Variants in KATNA1 observed in about 807,000 individuals in gnomAD.
KATNA1 encodes the protein katanin catalytic subunit A1.
KATNA1 carries 42 observed loss-of-function variants against 62.6 expected under a neutral mutation model. The ratio of observed to expected loss-of-function variants is 0.67; its 90% CI spans 0.52 to 0.87. The LOEUF (loss-of-function observed/expected upper bound fraction) is 0.87. KATNA1 is among the 40% of genes least tolerant of loss of function. The pLI is 0.00. For synonymous variants in KATNA1, 186 were observed against 201.9 expected, an observed-to-expected ratio of 0.92 and a Z score of 0.67; for missense variants, 498 against 612.5, an observed-to-expected ratio of 0.81 and a Z score of 1.97.
In KATNA1 at chr6:149,638,368, A is replaced by C; in HGVS notation, c.162+18T>G. 1 of 1,606,938 alleles carries C rather than the reference A, an allele frequency of 6.2e-7. No homozygotes were observed. The highest frequency in any genetic ancestry group is 8.5e-7 in the Non-Finnish European group (1 of 1,176,776). ...GAGTACTTAAGCCATTAAAACATAC[A>C]GCAGCCATTACTCTCACCTGTTGCC... On this transcript the variant is annotated intron_variant, in intron 2 of 10. Coordinates refer to ENST00000367411, the MANE Select transcript of KATNA1 (RefSeq NM_007044.4).
chr6:149,638,661 A>G, intron 1 of KATNA1, 101 bp from the exon 2 acceptor site: 4 of 702,008 alleles, frequency 5.7e-6, no homozygotes, highest in Non-Finnish European at 9.5e-6. Context: ...TCAAGAAACA[A>G]TCACACATAC....
At chr6:149,645,867 C>T (rs772919576) in intron 1 of KATNA1, among the ~76,000 whole-genome samples, 4 of 151,552 alleles carry the variant, frequency 2.6e-5, no homozygotes, top group Non-Finnish European at 4.4e-5. Context: ...TGTCTCTCCA[C>T]AGAGAAAGTT....
At chr6:149,644,192 G>A (rs559588777) in intron 1 of KATNA1, among the ~76,000 whole-genome samples, 36 of 151,994 alleles carry the variant, frequency 2.4e-4, no homozygotes, top group Non-Finnish European at 4.6e-4. Flanking sequence ...ATTGGGACCC[G>A]CTGCTAAAAG....
chr6:149,633,754 A>T lies in KATNA1; in HGVS notation c.163-838T>A, dbSNP rs993750861. ...TCTCAAAAAAATAAAAAATAAAAAA[A>T]AAATCCAGGCTAACTAAATCATACT... On this transcript the variant is annotated intron_variant, in intron 2 of 10. Transcript: ENST00000367411. Among the ~76,000 whole-genome samples, 17 of 151,938 alleles carry T rather than the reference A, an allele frequency of 1.1e-4. No individual in the cohort carries two copies. In the East Asian group the frequency reaches 1.4e-3, roughly 12 times the overall value.
At chr6:149,600,131 C>G (rs2115079347) in intron 7 of KATNA1, among the ~76,000 whole-genome samples, 1 of 138,142 alleles carries the variant, frequency 7.2e-6, no homozygotes, top group East Asian at 2.3e-4. Context: ...ATGCAGTATG[C>G]TATGATTGTG....
intron 4 of KATNA1, among the ~76,000 whole-genome samples, chr6:149,619,469 T>C (rs898393668): frequency 5.3e-5 from 8 of 151,948 alleles, no homozygotes; most frequent in Non-Finnish European, 8.8e-5. Flanking sequence ...AAAAATTAGC[T>C]AGGCGTGGTA....
chr6:149,645,456 C>CAAAAAAAAAAAAAA (rs201041700), intron 1 of KATNA1, among the ~76,000 whole-genome samples: 10 of 123,754 alleles, frequency 8.1e-5, no homozygotes, highest in Non-Finnish European at 1.1e-4. Context: ...AAACAAAAAA[C>CAAAAAAAAAAAAAA]AAAAAAAAAA....
At position 149,619,543 on chromosome 6, in the gene KATNA1, GC is replaced by G. The variant is rs1251122531; in HGVS notation, c.501+3559del. On this transcript the variant is annotated intron_variant, in intron 4 of 10. Coordinates refer to ENST00000367411, the MANE Select transcript of KATNA1 (RefSeq NM_007044.4). ...CATGAGAACTGCTTGAACCTGAGAG[GC>G]GGAGGTTGTAGTTAGCCAAGATGAT... Among the ~76,000 whole-genome samples, 48 of 152,122 alleles carry G rather than the reference GC, an allele frequency of 3.2e-4. 1 individual carries two copies. Among genetic ancestry groups the G allele is most frequent in the Middle Eastern group, 3.4e-3 (1 of 294 alleles).
chr6:149,647,478 G>T (rs1582820306), intron 1 of KATNA1, among the ~76,000 whole-genome samples: 1 of 130,006 alleles, frequency 7.7e-6, no homozygotes, highest in East Asian at 2.4e-4. Context: ...AGCCAAGATT[G>T]CGCCACTGCA....
intron 10 of KATNA1, 65 bp from the exon 11 acceptor site, chr6:149,595,299 T>TAATA: frequency 7.5e-7 from 1 of 1,339,866 alleles, no homozygotes; most frequent in Middle Eastern, 1.8e-4. Context: ...GAAAACCTGT[T>TAATA]AATAGAAAAA....
At chr6:149,645,335 T>C (rs1780442648) in intron 1 of KATNA1, among the ~76,000 whole-genome samples, 1 of 151,274 alleles carries the variant, frequency 6.6e-6, no homozygotes, top group African/African-American at 2.4e-5. Context: ...CCCAGCTACT[T>C]GGGAGGCTGA....
chr6:149,636,258 T>C (rs964252542), intron 2 of KATNA1, among the ~76,000 whole-genome samples: 1 of 152,016 alleles, frequency 6.6e-6, no homozygotes, highest in Non-Finnish European at 1.5e-5. Flanking sequence ...ACTGACAAAC[T>C]TAAGACTCCT....
At chr6:149,645,662 A>G (rs1180687136) in intron 1 of KATNA1, among the ~76,000 whole-genome samples, 1 of 152,170 alleles carries the variant, frequency 6.6e-6, no homozygotes, top group East Asian at 1.9e-4. Context: ...TTTCCTTTAC[A>G]TTATTCTAAC....
At chr6:149,609,952 A>G (rs537074173) in intron 4 of KATNA1, among the ~76,000 whole-genome samples, 18 of 151,222 alleles carry the variant, frequency 1.2e-4, no homozygotes, top group African/African-American at 3.9e-4. Context: ...ATACAAAATT[A>G]GCTGGGTGTG....
intron 3 of KATNA1, among the ~76,000 whole-genome samples, chr6:149,628,004 G>T (rs556640503): frequency 6.6e-6 from 1 of 152,040 alleles, no homozygotes; most frequent in South Asian, 2.1e-4. Context: ...GAAGATATTT[G>T]AGGGACATCA....
chr6:149,611,735 T>C (rs999223966), intron 4 of KATNA1, among the ~76,000 whole-genome samples: 3 of 151,938 alleles, frequency 2.0e-5, no homozygotes, highest in African/African-American at 7.3e-5. Flanking sequence ...CATGGTGGCT[T>C]ATGCCTGTAA....
intron 4 of KATNA1, among the ~76,000 whole-genome samples, chr6:149,619,717 G>A (rs1450229617): frequency 1.3e-5 from 2 of 152,152 alleles, no homozygotes; most frequent in African/African-American, 2.4e-5. Context: ...ACTATGAACA[G>A]TATGGAGGTT....
At chr6:149,638,600 ATG>A in intron 1 of KATNA1, 40 bp from the exon 2 acceptor site, 1 of 1,403,754 alleles carries the variant, frequency 7.1e-7, no homozygotes, top group East Asian at 2.3e-5. Flanking sequence ...TTAGGTTTAC[ATG>A]TCTCTTAAAA....
chr6:149,639,084 C>A (rs1780186468), intron 1 of KATNA1, among the ~76,000 whole-genome samples: 1 of 151,918 alleles, frequency 6.6e-6, no homozygotes, highest in Non-Finnish European at 1.5e-5. Context: ...CAGCTCACTT[C>A]AGGCCAGGAG....
Sources: gnomAD v4.1 joint callset for allele counts (sites outside exome capture counted in the v4.1 genomes callset) on GRCh38, gnomAD v4.1.1 for gene constraint, MANE v1.5 for transcripts, NCBI Gene and HGNC (gene_info 2026-07-23, HGNC 2026-07-21) for gene names.